Variants in ARL15 observed in about 807,000 individuals in gnomAD.
The protein encoded by ARL15 is ADP-ribosylation factor-like protein 15.
Under a neutral mutation model 25.2 loss-of-function variants are expected in ARL15, and 19 were observed. That is an observed-to-expected ratio of 0.75 (90% CI 0.53 to 1.10). ARL15 has a LOEUF of 1.10. Ranked by LOEUF, ARL15 falls within the 50% of genes least tolerant of loss-of-function variation. ARL15 has a pLI of 0.00. For synonymous variants in ARL15, 94 were observed against 86.8 expected (o/e 1.08, Z -0.46); for missense variants, 220 against 246.0 (o/e 0.89, Z 0.71).
chr5:53,928,105 C>T (rs541050571), intron 4 of ARL15, among the ~76,000 whole-genome samples: 3 of 152,202 alleles, frequency 2.0e-5, no homozygotes, highest in East Asian at 3.9e-4. Context: ...GCCAGACTGA[C>T]GGTAACTAAC....
At chr5:53,928,455 T>G (rs1039958473) in intron 4 of ARL15, among the ~76,000 whole-genome samples, 14 of 152,190 alleles carry the variant, frequency 9.2e-5, no homozygotes, top group African/African-American at 3.4e-4. Flanking sequence ...GGATTAAAAT[T>G]CAGCAGATCA....
chr5:54,150,111 G>A (rs1754026016), intron 3 of ARL15, among the ~76,000 whole-genome samples: 1 of 152,190 alleles, frequency 6.6e-6, no homozygotes, highest in Non-Finnish European at 1.5e-5. Context: ...CTCTTACTTG[G>A]TTTATGCAGG....
chr5:54,249,672 C>CG (rs1757189027), intron 1 of ARL15, among the ~76,000 whole-genome samples: 1 of 72,658 alleles, frequency 1.4e-5, no homozygotes, highest in Admixed American at 1.5e-4. Flanking sequence ...TGGTTAAGAG[C>CG]AAAAAAAAAA....
At chr5:54,095,826 C>T (rs1425069631) in intron 4 of ARL15, among the ~76,000 whole-genome samples, 1 of 149,238 alleles carries the variant, frequency 6.7e-6, no homozygotes, top group Non-Finnish European at 1.5e-5. Flanking sequence ...ATAAAAAAAA[C>T]ATCCAAAGAG....
At chr5:54,197,362 T>C (rs1755579385) in intron 1 of ARL15, among the ~76,000 whole-genome samples, 1 of 152,148 alleles carries the variant, frequency 6.6e-6, no homozygotes, top group South Asian at 2.1e-4. Context: ...TTAAGGCCAC[T>C]GTCACAGAAA....
chr5:53,985,690 T>C (rs1748274870), intron 4 of ARL15, among the ~76,000 whole-genome samples: 1 of 152,230 alleles, frequency 6.6e-6, no homozygotes, highest in Non-Finnish European at 1.5e-5. Flanking sequence ...GTATATATAG[T>C]ACATTTGCTT....
intron 4 of ARL15, among the ~76,000 whole-genome samples, chr5:54,020,630 C>G (rs1469578648): frequency 6.6e-6 from 1 of 151,960 alleles, no homozygotes; most frequent in South Asian, 2.1e-4. Flanking sequence ...CTTGTCATAC[C>G]AAGAACCAGA....
chr5:54,173,870 C>T (rs1362615777), intron 1 of ARL15, among the ~76,000 whole-genome samples: 1 of 152,098 alleles, frequency 6.6e-6, no homozygotes, highest in Non-Finnish European at 1.5e-5. Context: ...CTACATCCTC[C>T]AGCCATGCCC....
At chr5:53,901,447 A>G (rs1745060748) in intron 4 of ARL15, among the ~76,000 whole-genome samples, 1 of 152,182 alleles carries the variant, frequency 6.6e-6, no homozygotes, top group African/African-American at 2.4e-5. Flanking sequence ...AAAGGGAGTT[A>G]ATGAGTGAAA....
chr5:53,941,868 T>C (rs900493937), intron 4 of ARL15, among the ~76,000 whole-genome samples: 3 of 151,868 alleles, frequency 2.0e-5, no homozygotes, highest in African/African-American at 2.4e-5. Context: ...TCTCCAGCAG[T>C]AGAAAAGGAA....
At chr5:54,180,269 T>G (rs1314271249) in intron 1 of ARL15, among the ~76,000 whole-genome samples, 3 of 152,138 alleles carry the variant, frequency 2.0e-5, no homozygotes, top group African/African-American at 7.2e-5. Context: ...CAGAAAGGCA[T>G]GTGAAGGAGA....
At chr5:53,987,315 C>A (rs1490113327) in intron 4 of ARL15, among the ~76,000 whole-genome samples, 1 of 148,294 alleles carries the variant, frequency 6.7e-6, no homozygotes, top group African/African-American at 2.5e-5. Flanking sequence ...GTCCATCTGG[C>A]CGGGGGTGGG....
intron 1 of ARL15, among the ~76,000 whole-genome samples, chr5:54,186,614 CA>C (rs1488211059): frequency 6.6e-6 from 1 of 151,946 alleles, no homozygotes; most frequent in African/African-American, 2.4e-5. Context: ...AATTAAATAC[CA>C]AAAAAAATTT....
intron 4 of ARL15, among the ~76,000 whole-genome samples, chr5:53,964,445 C>T (rs180960585): frequency 4.0e-4 from 61 of 152,074 alleles, no homozygotes; most frequent in Middle Eastern, 3.4e-3. Flanking sequence ...CTGCATGCTC[C>T]GCCTCCCGGG....
rs1029441961 is a variant in ARL15 at position 53,886,277 on chromosome 5, T to C, written c.*284A>G. 3 of 316,738 alleles carry C rather than the reference T, an allele frequency of 9.5e-6. No individual in the cohort carries two copies. Among genetic ancestry groups the C allele is most frequent in the South Asian group, 9.0e-5 (2 of 22,160 alleles). 19.6% of individuals were successfully genotyped at this position (316,738 alleles called of 1,614,324 possible). A position where few individuals can be genotyped will look rare whatever the true frequency, so the allele number is the denominator to read the frequency against. ...ATTCCATCCGTTTCAGCACAGAGTA[T>C]AGAAGAGATGCTTAGAACAACAGAA... is the stretch of plus-strand genomic sequence containing the variant. On this transcript the variant is annotated 3_prime_UTR_variant, in exon 5 of 5. Coordinates refer to ENST00000504924, the MANE Select transcript of ARL15 (RefSeq NM_019087.3).
rs371807123 is a variant in ARL15 at position 53,993,859 on chromosome 5, A to C, written c.463-107146T>G. ...GTCTCAGAAGAATAGAATTAAAGGG[A>C]AAATTCCAGTTTCATTAAGTGTGGC... On this transcript the variant is annotated intron_variant, in intron 4 of 4. Coordinates refer to ENST00000504924, the MANE Select transcript of ARL15 (RefSeq NM_019087.3). Among the ~76,000 whole-genome samples, 9 of 152,324 alleles carry C rather than the reference A, an allele frequency of 5.9e-5. No individual in the cohort carries two copies. The East Asian group carries it at 1.4e-3, about 23-fold the overall frequency.
intron 3 of ARL15, among the ~76,000 whole-genome samples, chr5:54,117,104 T>C (rs764365468): frequency 2.6e-5 from 4 of 152,158 alleles, no homozygotes; most frequent in Non-Finnish European, 4.4e-5. Flanking sequence ...TCCTCTTAAC[T>C]GAAACCATCA....
intron 2 of ARL15, among the ~76,000 whole-genome samples, chr5:54,169,237 T>A (rs772349773): frequency 2.6e-5 from 4 of 152,242 alleles, no homozygotes; most frequent in Non-Finnish European, 4.4e-5. Context: ...ATAACTCTGA[T>A]AAGTGAAGAA....
At chr5:53,978,583 C>T (rs1318191364) in intron 4 of ARL15, among the ~76,000 whole-genome samples, 76 of 133,494 alleles carry the variant, frequency 5.7e-4, no homozygotes, top group East Asian at 4.5e-4. Context: ...GCCAGGAGTT[C>T]GAGACCAGCC....
Sources: gnomAD v4.1 joint callset for allele counts (sites outside exome capture counted in the v4.1 genomes callset) on GRCh38, gnomAD v4.1.1 for gene constraint, MANE v1.5 for transcripts, NCBI Gene and HGNC (gene_info 2026-07-23, HGNC 2026-07-21) for gene names.